The following AGBL4 variants were observed in gnomAD, a reference collection of about 807,000 sequenced individuals.
AGBL4 encodes AGBL carboxypeptidase 4.
Under a neutral mutation model 66.4 loss-of-function variants are expected in AGBL4, and 58 were observed. That is an observed-to-expected ratio of 0.87 (90% CI 0.71 to 1.09). AGBL4 has a LOEUF of 1.09. Ranked by LOEUF, AGBL4 falls within the 50% of genes least tolerant of loss-of-function variation. The pLI is 0.00. For synonymous variants in AGBL4, 234 were observed against 222.9 expected, an observed-to-expected ratio of 1.05 and a Z score of -0.44; for missense variants, 579 against 631.0, an observed-to-expected ratio of 0.92 and a Z score of 0.88.
chr1:50,004,198 A>G (rs931672537), intron 1 of AGBL4, among the ~76,000 whole-genome samples: 5 of 152,222 alleles, frequency 3.3e-5, no homozygotes, highest in African/African-American at 1.2e-4. Flanking sequence ...AGCAGAAAGC[A>G]ACACTGAGCA....
At chr1:49,580,204 T>G (rs1234928650) in intron 3 of AGBL4, among the ~76,000 whole-genome samples, 1 of 152,162 alleles carries the variant, frequency 6.6e-6, no homozygotes, top group Non-Finnish European at 1.5e-5. Flanking sequence ...ATATGTGTCT[T>G]TATAAGTAAG....
chr1:49,268,881 T>C (rs1264948805), intron 3 of AGBL4, among the ~76,000 whole-genome samples: 1 of 152,212 alleles, frequency 6.6e-6, no homozygotes, highest in East Asian at 1.9e-4. Context: ...CTGCTTACTC[T>C]GTATCCATAT....
chr1:48,644,762 G>A (rs903878671), intron 8 of AGBL4, among the ~76,000 whole-genome samples: 9 of 152,150 alleles, frequency 5.9e-5, no homozygotes, highest in Non-Finnish European at 1.3e-4. Flanking sequence ...TTGTGCAGGC[G>A]CTGAATACCA....
At chr1:49,802,883 G>A (rs1644896064) in intron 2 of AGBL4, among the ~76,000 whole-genome samples, 1 of 152,076 alleles carries the variant, frequency 6.6e-6, no homozygotes, top group Non-Finnish European at 1.5e-5. Context: ...TATGTCTGCT[G>A]ATTTAATTTA....
At chr1:48,653,766 C>A (rs1318314986) in intron 7 of AGBL4, among the ~76,000 whole-genome samples, 1 of 152,046 alleles carries the variant, frequency 6.6e-6, no homozygotes, top group East Asian at 1.9e-4. Flanking sequence ...CAGAGCCCAC[C>A]TAGTTTCATC....
intron 1 of AGBL4, among the ~76,000 whole-genome samples, chr1:49,868,388 C>T (rs1431677507): frequency 6.6e-6 from 1 of 152,146 alleles, no homozygotes; most frequent in African/African-American, 2.4e-5. Context: ...CACTACAAGG[C>T]TAAAGTAACC....
intron 7 of AGBL4, among the ~76,000 whole-genome samples, chr1:48,653,878 C>T (rs980595322): frequency 2.6e-5 from 4 of 152,286 alleles, no homozygotes; most frequent in Admixed American, 2.0e-4. Context: ...GTGATAATCA[C>T]AGGGTCAAGG....
At position 49,731,779 on chromosome 1, in the gene AGBL4, T is replaced by C. The variant is rs945868779; in HGVS notation, c.158-34342A>G. ...AGTATAAATATGAAACTGGAAGTAA[T>C]ACCTACGGCCAATTGAAGAGATAGG... On this transcript the variant is annotated intron_variant, in intron 2 of 13. Transcript: ENST00000371839. Among the ~76,000 whole-genome samples the C allele has an allele frequency of 3.3e-5, 5 of 152,098 alleles. No individual in the cohort carries two copies. The South Asian group carries it at 8.3e-4, about 25-fold the overall frequency.
chr1:49,216,169 A>G (rs528017600), intron 4 of AGBL4, among the ~76,000 whole-genome samples: 27 of 152,252 alleles, frequency 1.8e-4, no homozygotes, highest in African/African-American at 6.0e-4. Flanking sequence ...CTAAGTGGCA[A>G]TGTCAGGGTT....
chr1:48,619,660 C>T (rs1188903706), intron 9 of AGBL4, among the ~76,000 whole-genome samples: 2 of 152,182 alleles, frequency 1.3e-5, no homozygotes, highest in African/African-American at 4.8e-5. Flanking sequence ...GAGCTAAACT[C>T]TAAGAGGAAA....
intron 4 of AGBL4, among the ~76,000 whole-genome samples, chr1:49,060,979 A>G (rs185978570): frequency 1.3e-5 from 2 of 152,312 alleles, no homozygotes; most frequent in Admixed American, 1.3e-4. Flanking sequence ...GAGTTGGTCC[A>G]AAAACTAGGT....
At chr1:48,871,526 G>C (rs1648674305) in intron 5 of AGBL4, among the ~76,000 whole-genome samples, 1 of 152,100 alleles carries the variant, frequency 6.6e-6, no homozygotes, top group African/African-American at 2.4e-5. Context: ...GGGTATGCCA[G>C]CGTTGGATCA....
At chr1:49,914,538 CTT>C (rs923473208) in intron 1 of AGBL4, among the ~76,000 whole-genome samples, 2 of 152,206 alleles carry the variant, frequency 1.3e-5, no homozygotes, top group African/African-American at 4.8e-5. Flanking sequence ...ATATAGATCT[CTT>C]GAGCCCTCAC....
At chr1:48,894,025 C>G (rs183255145) in intron 5 of AGBL4, among the ~76,000 whole-genome samples, 4 of 152,152 alleles carry the variant, frequency 2.6e-5, no homozygotes, top group African/African-American at 7.2e-5. Flanking sequence ...CCACCAGAGT[C>G]GCAAATGTTG....
At position 49,662,184 on chromosome 1, in the gene AGBL4, T is replaced by C. The variant is rs1016645872; in HGVS notation, c.282+35129A>G. On this transcript the variant is annotated intron_variant, in intron 3 of 13. Transcript: ENST00000371839. ...ATGAATATTTTCATTATCTTGATTG[T>C]CATCACAGTCTCACAGAATATATAT... 2.6e-5 allele frequency among the ~76,000 whole-genome samples: 4 copies of C among 151,172 alleles called. No homozygotes were observed. In the South Asian group the frequency reaches 8.3e-4, roughly 31 times the overall value.
intron 3 of AGBL4, among the ~76,000 whole-genome samples, chr1:49,523,508 A>G (rs1180237218): frequency 5.3e-5 from 8 of 152,078 alleles, no homozygotes; most frequent in Non-Finnish European, 1.2e-4. Context: ...TTTTCACTTG[A>G]TTCCAAAAAA....
At chr1:49,158,411 A>T (rs977971195) in intron 4 of AGBL4, among the ~76,000 whole-genome samples, 2 of 152,154 alleles carry the variant, frequency 1.3e-5, no homozygotes, top group African/African-American at 4.8e-5. Flanking sequence ...TTCTAATTTG[A>T]TTGCACTGTG....
chr1:49,807,662 A>G (rs1426434629), intron 2 of AGBL4, among the ~76,000 whole-genome samples: 1 of 152,204 alleles, frequency 6.6e-6, no homozygotes, highest in South Asian at 2.1e-4. Flanking sequence ...CTGGGATGGA[A>G]TGAATGCATT....
At chr1:49,192,903 C>A (rs1395629472) in intron 4 of AGBL4, among the ~76,000 whole-genome samples, 1 of 152,182 alleles carries the variant, frequency 6.6e-6, no homozygotes, top group South Asian at 2.1e-4. Context: ...ATTTCCTACT[C>A]ATTATTGGTC....
Sources: allele counts gnomAD v4.1 joint callset (sites outside exome capture counted in the v4.1 genomes callset), GRCh38; gene constraint gnomAD v4.1.1; transcripts MANE v1.5; gene names NCBI Gene and HGNC (gene_info 2026-07-23, HGNC 2026-07-21).